SHISA6: variants seen among roughly 807,000 people sequenced by gnomAD.
SHISA6 encodes shisa family member 6.
In SHISA6, 22 loss-of-function variants were observed where a neutral mutation model predicts 47.9. The observed-to-expected ratio is 0.46, with a 90% CI of 0.33 to 0.66. The LOEUF (loss-of-function observed/expected upper bound fraction) is 0.66, where lower values mean the gene tolerates loss of function less well. SHISA6 is among the 30% of genes least tolerant of loss of function. The probability of loss-of-function intolerance (pLI) is 0.02; values close to 1 mark genes in which losing one functional copy is unlikely to be tolerated. For synonymous variants in SHISA6, 388 were observed against 337.8 expected (o/e 1.15, Z -1.63); for missense variants, 680 against 764.6 (o/e 0.89, Z 1.30).
At chr17:11,292,607 A>G (rs1420777643) in intron 2 of SHISA6, among the ~76,000 whole-genome samples, 1 of 151,996 alleles carries the variant, frequency 6.6e-6, no homozygotes, top group African/African-American at 2.4e-5. Context: ...AGAAAATTTC[A>G]GTTGGAGGAT....
chr17:11,280,179 T>C (rs1317710818), intron 2 of SHISA6, among the ~76,000 whole-genome samples: 1 of 152,262 alleles, frequency 6.6e-6, no homozygotes, highest in Non-Finnish European at 1.5e-5. Context: ...TTGCAAGTCC[T>C]GTTTTGAAAC....
At position 11,277,272 on chromosome 17, in the gene SHISA6, TCTCTCTCTCACACA is replaced by T. The variant is rs1445251259; in HGVS notation, c.799+13748_799+13761del. On this transcript the variant is annotated intron_variant, in intron 2 of 5. Coordinates refer to ENST00000441885, the MANE Select transcript of SHISA6 (RefSeq NM_207386.4). ...CTCTCTCTCTCTCTCTCTCTCTCTC[TCTCTCTCTCACACA>T]CACACACACACACACACACACACAC... Among the ~76,000 whole-genome samples, 609 of 68,674 alleles carry T rather than the reference TCTCTCTCTCACACA, an allele frequency of 8.9e-3. 6 individuals carry two copies. In the South Asian group the frequency reaches 0.09, roughly 10 times the overall value. 45.1% of individuals were successfully genotyped at this position (68,674 alleles called of 152,430 possible).
chr17:11,440,620 GATGATCC>G (rs1915069591), intron 3 of SHISA6, among the ~76,000 whole-genome samples: 1 of 147,006 alleles, frequency 6.8e-6, no homozygotes, highest in African/African-American at 2.5e-5. Flanking sequence ...ATCTACATTG[GATGATCC>G]ATCATCCAAT....
intron 3 of SHISA6, among the ~76,000 whole-genome samples, chr17:11,398,023 CTTT>C (rs1226025289): frequency 6.6e-6 from 1 of 151,614 alleles, no homozygotes; most frequent in Non-Finnish European, 1.5e-5. Context: ...TGTTTTAAAA[CTTT>C]TTTTTCTTAA....
At chr17:11,259,767 G>A (rs183058353) in intron 1 of SHISA6, among the ~76,000 whole-genome samples, 3 of 152,292 alleles carry the variant, frequency 2.0e-5, no homozygotes, top group South Asian at 4.2e-4. Flanking sequence ...ACTGGCATTT[G>A]CTAAATTAGC....
chr17:11,552,303 T>C (rs1245253334), intron 4 of SHISA6, among the ~76,000 whole-genome samples: 1 of 152,214 alleles, frequency 6.6e-6, no homozygotes, highest in Non-Finnish European at 1.5e-5. Flanking sequence ...ATTTGTGATA[T>C]CATTTACGAA....
intron 2 of SHISA6, among the ~76,000 whole-genome samples, chr17:11,310,317 C>T (rs569956579): frequency 1.1e-3 from 175 of 152,270 alleles, no homozygotes; most frequent in Middle Eastern, 3.4e-3. Flanking sequence ...AGGCTGTTGA[C>T]AATCAATAGA....
chr17:11,452,886 C>T (rs577490904), intron 3 of SHISA6, among the ~76,000 whole-genome samples: 177 of 151,226 alleles, frequency 1.2e-3, no homozygotes, highest in Non-Finnish European at 2.2e-3. Context: ...TTCCCTTTCT[C>T]CTCTCCTCCT....
chr17:11,456,004 C>T (rs1052249639), intron 3 of SHISA6, among the ~76,000 whole-genome samples: 1 of 125,246 alleles, frequency 8.0e-6, no homozygotes, highest in African/African-American at 3.4e-5. Flanking sequence ...CTTAACAGCA[C>T]CCAGACCTGT....
chr17:11,404,718 C>T (rs187765144), intron 3 of SHISA6, among the ~76,000 whole-genome samples: 19 of 152,206 alleles, frequency 1.2e-4, no homozygotes, highest in African/African-American at 4.6e-4. Context: ...CAGACGAGTG[C>T]AAGGAGATTT....
At chr17:11,252,792 G>C (rs1567699864) in intron 1 of SHISA6, among the ~76,000 whole-genome samples, 1 of 152,196 alleles carries the variant, frequency 6.6e-6, no homozygotes, top group African/African-American at 2.4e-5. Context: ...CATGTGGCTG[G>C]CTCAAAAGCT....
intron 3 of SHISA6, among the ~76,000 whole-genome samples, chr17:11,406,461 CTCTT>C (rs1311010402): frequency 6.6e-6 from 1 of 152,238 alleles, no homozygotes; most frequent in South Asian, 2.1e-4. Flanking sequence ...TGTCTTTCAG[CTCTT>C]TCTTTCTTGC....
At chr17:11,330,797 A>G (rs1911077779) in intron 2 of SHISA6, among the ~76,000 whole-genome samples, 1 of 101,182 alleles carries the variant, frequency 9.9e-6, no homozygotes, top group Non-Finnish European at 2.1e-5. Context: ...AGTCAGATGA[A>G]TAAAATTAGG....
At chr17:11,475,325 G>T (rs1916026118) in intron 3 of SHISA6, among the ~76,000 whole-genome samples, 1 of 152,098 alleles carries the variant, frequency 6.6e-6, no homozygotes, top group African/African-American at 2.4e-5. Flanking sequence ...ATATTAAAAA[G>T]GAGTGTTGAG....
intron 1 of SHISA6, among the ~76,000 whole-genome samples, chr17:11,255,308 A>AT (rs1451978625): frequency 3.9e-5 from 6 of 152,308 alleles, no homozygotes; most frequent in Non-Finnish European, 5.9e-5. Context: ...TAATTGTTTT[A>AT]AAGAAGGAAG....
chr17:11,548,594 C>CT (rs2071903345), intron 3 of SHISA6, among the ~76,000 whole-genome samples: 1 of 152,076 alleles, frequency 6.6e-6, no homozygotes, highest in African/African-American at 2.4e-5. Flanking sequence ...TGTCACATTG[C>CT]TAGGCAACTG....
chr17:11,315,614 A>T (rs556297901), intron 2 of SHISA6, among the ~76,000 whole-genome samples: 13 of 152,290 alleles, frequency 8.5e-5, no homozygotes, highest in South Asian at 2.1e-4. Flanking sequence ...AGATTTTTTT[A>T]AAAAATAACT....
intron 3 of SHISA6, among the ~76,000 whole-genome samples, chr17:11,472,129 T>C (rs1915948251): frequency 1.3e-5 from 2 of 152,214 alleles, no homozygotes. Context: ...CTGATCTTTT[T>C]ACTATTTACA....
chr17:11,415,789 T>C (rs1297029174), intron 3 of SHISA6, among the ~76,000 whole-genome samples: 1 of 152,184 alleles, frequency 6.6e-6, no homozygotes, highest in Non-Finnish European at 1.5e-5. Context: ...AACAGGTTAG[T>C]GTTTTCCAAA....
Sources: allele counts gnomAD v4.1 joint callset (sites outside exome capture counted in the v4.1 genomes callset), GRCh38; gene constraint gnomAD v4.1.1; transcripts MANE v1.5; gene names NCBI Gene and HGNC (gene_info 2026-07-23, HGNC 2026-07-21).